MALAT1: variants seen among roughly 807,000 people sequenced by gnomAD.
MALAT1 encodes the protein metastasis associated lung adenocarcinoma transcript 1.
intron 1 of MALAT1, chr11:65,498,109 A>T (rs751423054): frequency 1.9e-6 from 1 of 518,954 alleles, no homozygotes; most frequent in African/African-American, 1.9e-5. Flanking sequence ...AGAATCTGCA[A>T]AACAAAAACC....
At chr11:65,504,438 GTA>G (rs1491097859) in intron 3 of MALAT1, 2 of 518,900 alleles carry the variant, frequency 3.9e-6, no homozygotes, top group Non-Finnish European at 7.7e-6. Flanking sequence ...AACGACTGGA[GTA>G]TGATTAAAAG....
At chr11:65,504,547 A>G (rs994819746) in intron 3 of MALAT1, 1 of 518,932 alleles carries the variant, frequency 1.9e-6, no homozygotes, top group Admixed American at 1.9e-5. Context: ...AGTTTTAAGC[A>G]GTCGTATTTG....
chr11:65,499,644 GAT>G lies in MALAT1; in HGVS notation n.909_910del, dbSNP rs764408064. On this transcript the variant is annotated non_coding_transcript_exon_variant, in exon 3 of 4. Coordinates refer to ENST00000619449, the Ensembl canonical transcript of MALAT1. ...TGGTAGGATGAAACAATTTGGAGAA[GAT>G]AGAAGTTTGAAGTGGAAAACTGGAA... 1.4e-5 allele frequency: 6 copies of G among 440,356 alleles called. No individual in the cohort carries two copies. In the Admixed American group the frequency reaches 1.6e-4, roughly 12 times the overall value. 27.3% of individuals were successfully genotyped at this position (440,356 alleles called of 1,614,324 possible). A position where few individuals can be genotyped will look rare whatever the true frequency, so the allele number is the denominator to read the frequency against.
Position 65,504,686 on chromosome 11 carries a change from C to T in MALAT1, n.5168+781C>T, listed in dbSNP as rs773821843. On this transcript the variant is annotated intron_variant and non_coding_transcript_variant, in intron 3 of 3. Coordinates refer to ENST00000619449, the Ensembl canonical transcript of MALAT1. ...CAACCTTAAAATCAGTGACAAGAAA[C>T]ATTCCAAACAAGCAACAGTCTTCAA... The T allele has an allele frequency of 5.8e-6, 3 of 518,900 alleles. No homozygotes were observed. In the Admixed American group the frequency reaches 5.8e-5, roughly 10 times the overall value. The allele number at this position is 518,900 out of a possible 1,614,324, so 32.1% of individuals were successfully genotyped here.
At chr11:65,503,068 A>T (rs779417050) in exon 3 of MALAT1, 1 of 511,070 alleles carries the variant, frequency 2.0e-6, no homozygotes. Context: ...AGTTGGGATC[A>T]AGTGGATTGA....
At chr11:65,502,153 T>C (rs1488793962) in exon 3 of MALAT1, 1 of 516,778 alleles carries the variant, frequency 1.9e-6, no homozygotes, top group Non-Finnish European at 3.9e-6. Context: ...TCCTTCAAAG[T>C]ATAGAGCTTT....
At chr11:65,506,001 C>G (rs183218611) in intron 3 of MALAT1, 1 of 465,006 alleles carries the variant, frequency 2.2e-6, no homozygotes, top group Non-Finnish European at 4.1e-6. Context: ...AAGCTGATCT[C>G]CAATGCTCTT....
exon 3 of MALAT1, chr11:65,499,849 GA>G (rs1565676008): frequency 4.7e-6 from 2 of 421,450 alleles, no homozygotes; most frequent in Non-Finnish European, 9.1e-6. Flanking sequence ...AAGAAAATTG[GA>G]AGATAGAAAC....
In MALAT1 at chr11:65,499,254, G is replaced by T. The variant is rs374676811; in HGVS notation, n.517G>T. ...TTTTAAGAGAAAATATGAAGACTTA[G>T]AAGAGTAGCATGAGGAAGGAAAAGA... On this transcript the variant is annotated non_coding_transcript_exon_variant, in exon 3 of 4. Transcript: ENST00000619449. The T allele has an allele frequency of 1.7e-3, 854 of 512,670 alleles. 3 individuals are homozygous for T. The highest frequency in any genetic ancestry group is 2.9e-3 in the Middle Eastern group (9 of 3,138). 31.8% of individuals were successfully genotyped at this position (512,670 alleles called of 1,614,324 possible). A position where few individuals can be genotyped will look rare whatever the true frequency, so the allele number is the denominator to read the frequency against.
exon 3 of MALAT1, chr11:65,501,410 G>T (rs1160238721): frequency 1.9e-6 from 1 of 517,768 alleles, no homozygotes; most frequent in African/African-American, 1.9e-5. Context: ...GAGGTCTGTG[G>T]AAGAGATGTC....
intron 3 of MALAT1, chr11:65,505,412 T>C (rs959037646): frequency 1.9e-6 from 1 of 514,722 alleles, no homozygotes; most frequent in Non-Finnish European, 3.9e-6. Context: ...AAGCAAGCTG[T>C]TTTTATAGCA....
exon 3 of MALAT1, chr11:65,499,936 T>C (rs1038489448): frequency 9.2e-6 from 4 of 434,126 alleles, no homozygotes; most frequent in Admixed American, 2.8e-5. Flanking sequence ...ATTGGAGAAG[T>C]ATAGAAGATA....
chr11:65,499,538 G>C (rs778611166), exon 3 of MALAT1: 3 of 456,200 alleles, frequency 6.6e-6, no homozygotes, highest in South Asian at 4.8e-5. Flanking sequence ...TGAAATCCAT[G>C]ACGCAGGGAG....
exon 3 of MALAT1, chr11:65,502,415 T>C (rs756177617): frequency 2.0e-6 from 1 of 504,966 alleles, no homozygotes; most frequent in East Asian, 5.5e-5. Flanking sequence ...TTTTCAGTTG[T>C]GTGTAAGCAA....
chr11:65,503,382 G>GAT, exon 3 of MALAT1: 1 of 518,426 alleles, frequency 1.9e-6, no homozygotes, highest in South Asian at 1.4e-5. Context: ...TCAGTGATGG[G>GAT]ATAGTACACT....
chr11:65,502,727 A>C (rs1854579092), exon 3 of MALAT1: 1 of 512,970 alleles, frequency 1.9e-6, no homozygotes, highest in Admixed American at 2.0e-5. Context: ...TGAATTGATA[A>C]GTAAAGGCAG....
chr11:65,501,835 A>G (rs746239848), exon 3 of MALAT1: 2 of 517,472 alleles, frequency 3.9e-6, no homozygotes, highest in South Asian at 2.8e-5. Context: ...TAAAAGTTTT[A>G]TTAAAGGGGA....
exon 3 of MALAT1, chr11:65,499,391 A>G (rs183148116): frequency 6.1e-6 from 3 of 488,876 alleles, no homozygotes; most frequent in Admixed American, 2.2e-5. Flanking sequence ...ATTAATACCA[A>G]TAGAAGGGCA....
exon 4 of MALAT1, chr11:65,506,417 C>A: frequency 2.7e-6 from 1 of 375,426 alleles, no homozygotes; most frequent in Non-Finnish European, 5.2e-6. Flanking sequence ...TTTGAGAAGC[C>A]CTACTGCTGA....
Sources: gnomAD v4.1 joint callset for allele counts on GRCh38, gnomAD v4.1.1 for gene constraint, MANE v1.5 for transcripts, NCBI Gene and HGNC (gene_info 2026-07-23, HGNC 2026-07-21) for gene names.